Variants in ZNF831 observed in about 807,000 individuals in gnomAD.
ZNF831 encodes the protein zinc finger protein 831.
In ZNF831, 59 loss-of-function variants were observed where a neutral mutation model predicts 95.8. That is an observed-to-expected ratio of 0.62 (90% CI 0.50 to 0.77). The LOEUF (loss-of-function observed/expected upper bound fraction) is 0.77, where lower values mean the gene tolerates loss of function less well. Among genes scored for constraint, ZNF831 ranks in the 30% least tolerant of loss-of-function variants. The pLI, the probability that ZNF831 is intolerant of heterozygous loss-of-function variation, is 0.00. For missense variants in ZNF831, 2,205 were observed against 2,164.0 expected, an observed-to-expected ratio of 1.02 and a Z score of -0.38; for synonymous variants, 961 against 925.5, an observed-to-expected ratio of 1.04 and a Z score of -0.70.
chr20:59,253,176 T>A (rs771268315), intron 5 of ZNF831, 38 bp downstream of exon 5: 1 of 1,608,998 alleles, frequency 6.2e-7, no homozygotes, highest in South Asian at 1.1e-5. Context: ...TACCTATTCC[T>A]GGTCTAGATG....
intron 4 of ZNF831, among the ~76,000 whole-genome samples, chr20:59,219,101 C>T (rs1246785672): frequency 2.0e-5 from 3 of 152,130 alleles, no homozygotes; most frequent in Middle Eastern, 3.2e-3. Context: ...AGCAGATGTC[C>T]CCTCTTCCTC....
intron 4 of ZNF831, among the ~76,000 whole-genome samples, chr20:59,215,148 G>T (rs1031822485): frequency 2.0e-5 from 3 of 152,200 alleles, no homozygotes; most frequent in Non-Finnish European, 4.4e-5. Context: ...TATAAAGAGT[G>T]CTCTTATATA....
At chr20:59,126,754 C>T (rs921393270) in intron 1 of ZNF831, among the ~76,000 whole-genome samples, 1 of 152,356 alleles carries the variant, frequency 6.6e-6, no homozygotes, top group East Asian at 1.9e-4. Context: ...CTTGGTCACT[C>T]TCCTTTTCTG....
At chr20:59,187,690 C>A (rs555662920) in intron 1 of ZNF831, among the ~76,000 whole-genome samples, 2 of 152,274 alleles carry the variant, frequency 1.3e-5, no homozygotes, top group South Asian at 4.1e-4. Context: ...TGAAAGTGAA[C>A]AATTCTATGG....
At chr20:59,181,727 A>G (rs1276618242) in intron 1 of ZNF831, among the ~76,000 whole-genome samples, 1 of 149,546 alleles carries the variant, frequency 6.7e-6, no homozygotes, top group African/African-American at 2.5e-5. Flanking sequence ...CTTGGTCTAT[A>G]TATCTGTTTT....
At position 59,191,266 on chromosome 20, in the gene ZNF831, GA is replaced by G. The variant is rs748740851; in HGVS notation, c.248del (p.Asp83ValfsTer31). On this transcript the variant is annotated frameshift_variant, in exon 2 of 6. Transcript: ENST00000371030. LOFTEE classifies it high-confidence loss of function. ...CGCCCCGCTAGTGACGGGCAGCCTA[GA>G]TGGGGGCAACGTGCCCTTCATACTC... Reference protein sequence around the residue: ...PRAPLVTGSLDGGNVPFILSP... With the variant: ...PRAPLVTGSLXGGNVPFILSP... 2 of 1,559,600 alleles carry G rather than the reference GA, an allele frequency of 1.3e-6. No homozygotes were observed. Among genetic ancestry groups the G allele is most frequent in the Admixed American group, 3.8e-5 (2 of 53,216 alleles).
chr20:59,145,232 C>T (rs1212836423), intron 1 of ZNF831, among the ~76,000 whole-genome samples: 1 of 152,146 alleles, frequency 6.6e-6, no homozygotes, highest in Non-Finnish European at 1.5e-5. Flanking sequence ...CAATCTTGCT[C>T]TCTGGCTAAA....
intron 3 of ZNF831, among the ~76,000 whole-genome samples, chr20:59,203,046 G>C (rs375764700): frequency 6.6e-6 from 1 of 152,070 alleles, no homozygotes; most frequent in Non-Finnish European, 1.5e-5. Context: ...GATAATGATG[G>C]TTTTTTCATT....
intron 2 of ZNF831, among the ~76,000 whole-genome samples, chr20:59,195,514 T>A (rs1984024987): frequency 6.6e-6 from 1 of 152,150 alleles, no homozygotes; most frequent in Admixed American, 6.5e-5. Flanking sequence ...GCTGTTTTCA[T>A]CTTGAGAGTA....
intron 3 of ZNF831, among the ~76,000 whole-genome samples, chr20:59,199,210 C>G (rs937833670): frequency 2.6e-5 from 4 of 151,784 alleles, no homozygotes; most frequent in Non-Finnish European, 5.9e-5. Flanking sequence ...TTTCAGTTGT[C>G]TTAATGTTCT....
At chr20:59,153,856 G>T (rs1980386915) in intron 2 of ZNF831, among the ~76,000 whole-genome samples, 2 of 152,218 alleles carry the variant, frequency 1.3e-5, no homozygotes, top group Admixed American at 6.5e-5. Flanking sequence ...CTAAGAAAGA[G>T]AAATTTTCAT....
intron 1 of ZNF831, among the ~76,000 whole-genome samples, chr20:59,180,844 T>G (rs1272907401): frequency 1.3e-5 from 2 of 152,258 alleles, no homozygotes; most frequent in Admixed American, 6.5e-5. Flanking sequence ...TATGTGTGAA[T>G]GTATCTTTAT....
intron 4 of ZNF831, among the ~76,000 whole-genome samples, chr20:59,224,414 C>G (rs1986304141): frequency 6.6e-6 from 1 of 152,170 alleles, no homozygotes; most frequent in East Asian, 1.9e-4. Context: ...TCTTCTGCCT[C>G]GTCCCATCCC....
rs990563370 is a variant in ZNF831 at position 59,245,160 on chromosome 20, G to A, written c.4028-7818G>A. Among the ~76,000 whole-genome samples, 3 of 152,356 alleles carry A rather than the reference G, an allele frequency of 2.0e-5. No homozygotes were observed. The East Asian group carries it at 5.8e-4, about 29-fold the overall frequency. On this transcript the variant is annotated intron_variant, in intron 4 of 5. Coordinates refer to ENST00000371030, the MANE Select transcript of ZNF831 (RefSeq NM_178457.3). ...CGCATGTGAGTTTCTTAAATAACAAGAGGTCACCACCAAGCGGCCTCTCAT... is the reference window on the plus strand; with the variant it reads ...CGCATGTGAGTTTCTTAAATAACAAAAGGTCACCACCAAGCGGCCTCTCAT...
At chr20:59,140,026 T>A (rs1485624877) in intron 1 of ZNF831, among the ~76,000 whole-genome samples, 1 of 152,228 alleles carries the variant, frequency 6.6e-6, no homozygotes, top group Non-Finnish European at 1.5e-5. Context: ...CAAAGAACTC[T>A]TACAATAAGT....
intron 1 of ZNF831, among the ~76,000 whole-genome samples, chr20:59,185,891 C>T (rs1218245991): frequency 6.6e-6 from 1 of 152,168 alleles, no homozygotes; most frequent in Non-Finnish European, 1.5e-5. Flanking sequence ...ATTAAAACGC[C>T]TTTACTGAGT....
At chr20:59,249,411 C>T (rs1190937824) in intron 4 of ZNF831, among the ~76,000 whole-genome samples, 7 of 152,104 alleles carry the variant, frequency 4.6e-5, no homozygotes, top group Admixed American at 2.6e-4. Flanking sequence ...ATTTCCTTTG[C>T]GACCCCATCA....
intron 3 of ZNF831, among the ~76,000 whole-genome samples, chr20:59,196,529 G>A (rs960734682): frequency 1.3e-5 from 2 of 152,046 alleles, no homozygotes; most frequent in African/African-American, 4.8e-5. Flanking sequence ...CTCTTTCATT[G>A]TGCCTTTCTT....
intron 3 of ZNF831, among the ~76,000 whole-genome samples, chr20:59,206,678 A>G (rs2146636597): frequency 6.6e-6 from 1 of 152,324 alleles, no homozygotes; most frequent in East Asian, 1.9e-4. Flanking sequence ...CCTGGGAAGC[A>G]TTTTGTGACC....
Sources: allele counts gnomAD v4.1 joint callset (sites outside exome capture counted in the v4.1 genomes callset), GRCh38; gene constraint gnomAD v4.1.1; transcripts MANE v1.5; gene names NCBI Gene and HGNC (gene_info 2026-07-23, HGNC 2026-07-21).